The following PCDHGB4 variants were observed in gnomAD, a reference collection of about 807,000 sequenced individuals.
PCDHGB4 encodes the protein protocadherin gamma subfamily B, 4.
In PCDHGB4, 38 loss-of-function variants were observed where a neutral mutation model predicts 60.5. The observed-to-expected ratio is 0.63, with a 90% CI of 0.48 to 0.82. The LOEUF is 0.82. Among genes scored for constraint, PCDHGB4 ranks in the 40% least tolerant of loss-of-function variants. The pLI is 0.00. For synonymous variants in PCDHGB4, 456 were observed against 509.7 expected, an observed-to-expected ratio of 0.89 and a Z score of 1.42; for missense variants, 1,109 against 1,209.6, an observed-to-expected ratio of 0.92 and a Z score of 1.23.
intron 1 of PCDHGB4, among the ~76,000 whole-genome samples, chr5:141,488,133 G>T (rs1046071550): frequency 6.6e-6 from 1 of 152,198 alleles, no homozygotes; most frequent in Non-Finnish European, 1.5e-5. Context: ...AGAAAGAGGA[G>T]AGAACTAAAG....
intron 1 of PCDHGB4, among the ~76,000 whole-genome samples, chr5:141,481,730 G>C (rs778885944): frequency 6.6e-5 from 10 of 151,952 alleles, no homozygotes; most frequent in Non-Finnish European, 1.3e-4. Flanking sequence ...GAGGCGGGCG[G>C]ATCACGAGGT....
At chr5:141,442,701 A>AG (rs1388473196) in intron 1 of PCDHGB4, among the ~76,000 whole-genome samples, 5 of 152,258 alleles carry the variant, frequency 3.3e-5, no homozygotes, top group Non-Finnish European at 7.3e-5. Flanking sequence ...AGACAAGAGT[A>AG]TCAGACATGC....
At chr5:141,471,073 G>A (rs2099249169) in intron 1 of PCDHGB4, among the ~76,000 whole-genome samples, 2 of 143,298 alleles carry the variant, frequency 1.4e-5, no homozygotes, top group Non-Finnish European at 3.0e-5. Flanking sequence ...TTTTGAGACA[G>A]GGTCTCCCTC....
At chr5:141,498,881 T>C (rs9686648) in intron 2 of PCDHGB4, among the ~76,000 whole-genome samples, 77,838 of 149,554 alleles carry the variant, frequency 0.52, 20,828 homozygotes, top group African/African-American at 0.65. Flanking sequence ...TGCAGTGAGC[T>C]GAGATCACAC....
chr5:141,409,903 G>A (rs570063514), intron 1 of PCDHGB4: 1 of 1,613,268 alleles, frequency 6.2e-7, no homozygotes, highest in Non-Finnish European at 8.5e-7. Flanking sequence ...ACCCAGCTCT[G>A]GGTCCTGACG....
intron 1 of PCDHGB4, among the ~76,000 whole-genome samples, chr5:141,464,689 TATTATGA>T (rs1378742227): frequency 4.6e-5 from 7 of 152,182 alleles, no homozygotes; most frequent in Admixed American, 2.6e-4. Context: ...AAATTTCTCT[TATTATGA>T]ATGAGGTTAA....
intron 1 of PCDHGB4, among the ~76,000 whole-genome samples, chr5:141,435,885 C>T (rs2097784639): frequency 6.6e-6 from 1 of 152,088 alleles, no homozygotes; most frequent in Non-Finnish European, 1.5e-5. Context: ...TTGGAAACCC[C>T]TTAGAGAATG....
At chr5:141,396,515 G>A (rs1162905890) in intron 1 of PCDHGB4, 3 of 152,048 alleles carry the variant, frequency 2.0e-5, no homozygotes, top group Non-Finnish European at 4.4e-5. Flanking sequence ...AGCTACTCGG[G>A]AGGCTGAGGC....
At position 141,502,665 on chromosome 5, in the gene PCDHGB4, A is replaced by G. The variant is rs192555506; in HGVS notation, c.2457-2728A>G. The stretch of plus-strand genomic sequence containing the variant: ...GAGATAGGCAGCAACCCTTCATGCA[A>G]TTTTAGTATTCCCTGATGATCCTTG... On this transcript the variant is annotated intron_variant, in intron 2 of 3. Transcript: ENST00000519479. 3.7e-3 allele frequency among the ~76,000 whole-genome samples: 568 copies of G among 152,330 alleles called. 1 individual carries two copies. Among genetic ancestry groups the G allele is most frequent in the African/African-American group, 0.013 (544 of 41,584 alleles).
chr5:141,472,979 T>TAAAA (rs2099307936), intron 1 of PCDHGB4, among the ~76,000 whole-genome samples: 1 of 21,094 alleles, frequency 4.7e-5, no homozygotes, highest in Non-Finnish European at 9.8e-5. Context: ...AGAGTGAAAC[T>TAAAA]CAAAAAAAAA....
chr5:141,410,158 G>T (rs755466762), intron 1 of PCDHGB4: 2 of 1,613,516 alleles, frequency 1.2e-6, no homozygotes, highest in Non-Finnish European at 8.5e-7. Context: ...GTGGACAGCC[G>T]CCACTCTCTG....
intron 1 of PCDHGB4, chr5:141,418,509 G>T: frequency 6.2e-7 from 1 of 1,613,986 alleles, no homozygotes; most frequent in Non-Finnish European, 8.5e-7. Flanking sequence ...GCCTTAGATG[G>T]TGGGGACCCT....
intron 3 of PCDHGB4, among the ~76,000 whole-genome samples, chr5:141,506,132 G>T (rs114930087): frequency 1.2e-4 from 18 of 152,310 alleles, no homozygotes; most frequent in African/African-American, 4.3e-4. Context: ...CAGAGCAGGA[G>T]AAGAAGAATA....
At chr5:141,464,279 C>CAAA (rs373828487) in intron 1 of PCDHGB4, among the ~76,000 whole-genome samples, 8 of 137,748 alleles carry the variant, frequency 5.8e-5, no homozygotes, top group Admixed American at 1.5e-4. Flanking sequence ...AAAAAAAAAG[C>CAAA]AAAAAAAAAA....
chr5:141,414,638 A>C lies in PCDHGB4; in HGVS notation c.2397+24357A>C, dbSNP rs539861509. The C allele has an allele frequency of 7.8e-5, 126 of 1,613,988 alleles. 1 individual carries two copies. In the South Asian group the frequency reaches 1.3e-3, roughly 17 times the overall value. ...GCGCTGGACCCGGACAGCAAAGAGA[A>C]TGCCCAGATTATTTACTCCCTGGCT... On this transcript the variant is annotated intron_variant, in intron 1 of 3. Coordinates refer to ENST00000519479, the MANE Select transcript of PCDHGB4 (RefSeq NM_003736.4).
chr5:141,509,575 T>C (rs186302231), intron 3 of PCDHGB4, among the ~76,000 whole-genome samples: 153 of 152,320 alleles, frequency 1.0e-3, no homozygotes, highest in African/African-American at 3.7e-3. Flanking sequence ...TCACAGTGCG[T>C]ACAAATCAGC....
chr5:141,472,316 C>T (rs1456055286), intron 1 of PCDHGB4, among the ~76,000 whole-genome samples: 6 of 151,940 alleles, frequency 3.9e-5, no homozygotes, highest in Non-Finnish European at 8.8e-5. Context: ...CCGAGGCAGG[C>T]AGATCACGAG....
At chr5:141,392,877 A>G in intron 1 of PCDHGB4, 2 of 1,613,506 alleles carry the variant, frequency 1.2e-6, no homozygotes, top group Non-Finnish European at 1.7e-6. Context: ...GCTGCTGGGA[A>G]CGCTGTGGGA....
intron 1 of PCDHGB4, chr5:141,427,690 T>TC (rs1331581287): frequency 2.3e-6 from 2 of 881,240 alleles, no homozygotes; most frequent in Non-Finnish European, 3.7e-6. Context: ...GGAGCCTCCA[T>TC]CCCACAAGTC....
Sources: gnomAD v4.1 joint callset for allele counts (sites outside exome capture counted in the v4.1 genomes callset) on GRCh38, gnomAD v4.1.1 for gene constraint, MANE v1.5 for transcripts, NCBI Gene and HGNC (gene_info 2026-07-23, HGNC 2026-07-21) for gene names.